The following STX16 variants were observed in gnomAD, a reference collection of about 807,000 sequenced individuals.
STX16 encodes the protein syntaxin-16.
STX16 carries 28 observed loss-of-function variants against 42.7 expected under a neutral mutation model. The observed-to-expected ratio is 0.66, with a 90% confidence interval of 0.49 to 0.90. The LOEUF is 0.90. Among genes scored for constraint, STX16 ranks in the 40% least tolerant of loss-of-function variants. The probability of loss-of-function intolerance (pLI) is 0.00; values close to 1 mark genes in which losing one functional copy is unlikely to be tolerated. For synonymous variants in STX16, 156 were observed against 155.2 expected (o/e 1.00, Z -0.04); for missense variants, 361 against 420.9 (o/e 0.86, Z 1.24).
chr20:58,667,267 T>C (rs758120415), intron 2 of STX16: 11 of 641,040 alleles, frequency 1.7e-5, no homozygotes, highest in African/African-American at 3.6e-5. Flanking sequence ...CATGAAAAGA[T>C]AGGAAAACAA....
intron 2 of STX16, among the ~76,000 whole-genome samples, chr20:58,661,744 GA>G (rs1464089319): frequency 1.3e-5 from 2 of 152,216 alleles, no homozygotes; most frequent in African/African-American, 4.8e-5. Context: ...TGTGGTTGGG[GA>G]CAGTGTCCAG....
rs1601062560 is a variant in STX16, at chr20:58,676,327, A to C, written c.*36A>C. 6.3e-7 allele frequency: 1 copy of C among 1,580,904 alleles called. No individual in the cohort carries two copies. Among genetic ancestry groups the C allele is most frequent in the East Asian group, 2.2e-5 (1 of 44,714 alleles). On this transcript the variant is annotated 3_prime_UTR_variant, in exon 9 of 9. Coordinates refer to ENST00000371141, the MANE Select transcript of STX16 (RefSeq NM_001001433.3). ...GTTTTCGTGTGTGCCGCGCGTGTGGATCTCCCGGGTGTGAGGGGCTTGGCC... is the reference window on the plus strand; with the variant it reads ...GTTTTCGTGTGTGCCGCGCGTGTGGCTCTCCCGGGTGTGAGGGGCTTGGCC...
At chr20:58,668,161 C>T (rs755207764) in intron 4 of STX16, 34 bp downstream of exon 4, 36 of 1,610,908 alleles carry the variant, frequency 2.2e-5, no homozygotes, top group South Asian at 3.3e-5. Context: ...GGGAAACCAG[C>T]GAGCCTTCTC....
At chr20:58,672,337 AAT>A (rs376444654) in intron 7 of STX16, among the ~76,000 whole-genome samples, 13 of 150,300 alleles carry the variant, frequency 8.6e-5, no homozygotes, top group South Asian at 2.1e-4. Flanking sequence ...TGTCTCAAAA[AAT>A]ATATATATAT....
rs1030234964 is a variant in STX16 at position 58,657,803 on chromosome 20, G to A, written c.133-1820G>A. On this transcript the variant is annotated intron_variant, in intron 1 of 8. Coordinates refer to ENST00000371141, the MANE Select transcript of STX16 (RefSeq NM_001001433.3). The surrounding 1 kb of genome is among the most constrained non-coding windows in gnomAD (Gnocchi z 4.2). Reference sequence around the variant, plus strand: ...TTTAAATAGCAGAATGGTGGGGAGGGTCTTTGAAAAGGTGACCTTAATTTA... The same window carrying A: ...TTTAAATAGCAGAATGGTGGGGAGGATCTTTGAAAAGGTGACCTTAATTTA... 6.6e-6 allele frequency among the ~76,000 whole-genome samples: 1 copy of A among 152,148 alleles called. No individual in the cohort carries two copies. Among genetic ancestry groups the A allele is most frequent in the African/African-American group, 2.4e-5 (1 of 41,444 alleles).
chr20:58,662,915 A>G (rs1447845326), intron 2 of STX16, among the ~76,000 whole-genome samples: 1 of 152,230 alleles, frequency 6.6e-6, no homozygotes, highest in African/African-American at 2.4e-5. Flanking sequence ...ACGGGTTTAG[A>G]AAAATGTAGT....
intron 8 of STX16, among the ~76,000 whole-genome samples, chr20:58,674,418 A>G (rs573661077): frequency 6.6e-5 from 10 of 152,352 alleles, no homozygotes; most frequent in South Asian, 4.1e-4. Flanking sequence ...GAATATAACA[A>G]TACTTCACAA....
intron 2 of STX16, among the ~76,000 whole-genome samples, chr20:58,665,482 C>T (rs1254015218): frequency 2.0e-5 from 3 of 152,144 alleles, no homozygotes; most frequent in Non-Finnish European, 4.4e-5. Flanking sequence ...CAGTCTGTCA[C>T]ATAATGGCTC....
intron 6 of STX16, 45 bp downstream of exon 6, chr20:58,670,648 C>A: frequency 6.6e-7 from 1 of 1,507,018 alleles, no homozygotes; most frequent in South Asian, 1.1e-5. Flanking sequence ...CTGTGCACCC[C>A]ATTCTGCATC....
chr20:58,671,372 T>C, intron 7 of STX16, 75 bp downstream of exon 7: 1 of 1,484,288 alleles, frequency 6.7e-7, no homozygotes, highest in Non-Finnish European at 9.0e-7. Flanking sequence ...TGTACTCCTT[T>C]CAGGGAAAAA....
intron 1 of STX16, chr20:58,652,371 A>ACCCCCCCCCCCCCCCCCCCCCCCCCCC (rs11481928): frequency 6.5e-6 from 3 of 462,014 alleles, no homozygotes; most frequent in Admixed American, 2.9e-5. Flanking sequence ...CTTCCGCAGC[A>ACCCCCCCCCCCCCCCCCCCCCCCCCCC]CCCCCCCCCC....
At chr20:58,668,485 T>C (rs2083893161) in intron 4 of STX16, among the ~76,000 whole-genome samples, 1 of 152,236 alleles carries the variant, frequency 6.6e-6, no homozygotes, top group South Asian at 2.1e-4. Flanking sequence ...AAAAAACAAC[T>C]TAGTATCCTA....
At position 58,675,166 on chromosome 20, in the gene STX16, G is replaced by C. The variant is rs527905919; in HGVS notation, c.874-1021G>C. 3.8e-3 allele frequency among the ~76,000 whole-genome samples: 584 copies of C among 152,158 alleles called. 2 individuals carry two copies. Among genetic ancestry groups the C allele is most frequent in the Non-Finnish European group, 3.9e-3 (265 of 68,004 alleles). ...AGCTGCTCCCCATGACCGGACTCTC[G>C]GTGCTGTCCCCGTGCCTGATGTTTC... On this transcript the variant is annotated intron_variant, in intron 8 of 8. Transcript: ENST00000371141.
rs368572667 is a variant in STX16, at chr20:58,651,847, G to A, written c.-160G>A. The A allele has an allele frequency of 2.1e-3, 1,473 of 711,780 alleles. 36 individuals carry two copies. In the South Asian group the frequency reaches 0.023, roughly 11 times the overall value. 44.1% of individuals were successfully genotyped at this position (711,780 alleles called of 1,614,324 possible). A position where few individuals can be genotyped will look rare whatever the true frequency, so the allele number is the denominator to read the frequency against. On this transcript the variant is annotated 5_prime_UTR_variant, in exon 1 of 9. Transcript: ENST00000371141. The stretch of plus-strand genomic sequence containing the variant: ...ATTTGGGGAGGGGTCTCTACGCCTT[G>A]GCGAAGCGCACAGCTGCATCTTTTT...
Position 58,657,572 on chromosome 20 carries a change from AG to A in STX16, c.133-2050del, listed in dbSNP as rs1292356482. On this transcript the variant is annotated intron_variant, in intron 1 of 8. Coordinates refer to ENST00000371141, the MANE Select transcript of STX16 (RefSeq NM_001001433.3). The surrounding 1 kb of genome is among the most constrained non-coding windows in gnomAD (Gnocchi z 4.2). The stretch of plus-strand genomic sequence containing the variant: ...ATTCCACATGCTACTTGGAGTTTTC[AG>A]TGTTTGCTTGATTGCATGCCATTGG... 6.6e-6 allele frequency among the ~76,000 whole-genome samples: 1 copy of A among 152,150 alleles called. No individual in the cohort carries two copies. The highest frequency in any genetic ancestry group is 1.5e-5 in the Non-Finnish European group (1 of 68,020).
At chr20:58,675,158 G>A (rs771790762) in intron 8 of STX16, among the ~76,000 whole-genome samples, 3 of 152,090 alleles carry the variant, frequency 2.0e-5, no homozygotes, top group South Asian at 2.1e-4. Flanking sequence ...CCCCATGACC[G>A]GACTCTCGGT....
chr20:58,656,283 G>A (rs2083584232), intron 1 of STX16, among the ~76,000 whole-genome samples: 1 of 152,224 alleles, frequency 6.6e-6, no homozygotes, highest in African/African-American at 2.4e-5. Flanking sequence ...ATAGTCAACA[G>A]TGTTGTAGCT....
chr20:58,671,480 A>T (rs200701474), intron 7 of STX16, among the ~76,000 whole-genome samples, 183 bp downstream of exon 7: 21 of 36,138 alleles, frequency 5.8e-4, no homozygotes, highest in South Asian at 1.5e-3. Context: ...GTGTATATTA[A>T]TATTAATCAA....
At chr20:58,675,818 C>G (rs78646721) in intron 8 of STX16, among the ~76,000 whole-genome samples, 8,668 of 152,228 alleles carry the variant, frequency 0.057, 347 homozygotes, top group Non-Finnish European at 0.079. Flanking sequence ...GAACACGGAC[C>G]GGGAACAGGC....
Sources: gnomAD v4.1 joint callset for allele counts (sites outside exome capture counted in the v4.1 genomes callset) on GRCh38, gnomAD v4.1.1 for gene constraint, Gnocchi (gnomAD v3.1) non-coding constraint, MANE v1.5 for transcripts, NCBI Gene and HGNC (gene_info 2026-07-23, HGNC 2026-07-21) for gene names.